Variants in CAB39L observed in about 807,000 individuals in gnomAD.
CAB39L encodes the protein calcium binding protein 39 like.
CAB39L carries 23 observed loss-of-function variants against 39.1 expected under a neutral mutation model. The observed-to-expected ratio is 0.59, with a 90% CI of 0.42 to 0.83. The LOEUF is 0.83. Among genes scored for constraint, CAB39L ranks in the 40% least tolerant of loss-of-function variants. The pLI is 0.00. For missense variants in CAB39L, 366 were observed against 391.9 expected, an observed-to-expected ratio of 0.93 and a Z score of 0.56; for synonymous variants, 126 against 137.2, an observed-to-expected ratio of 0.92 and a Z score of 0.57.
intron 5 of CAB39L, among the ~76,000 whole-genome samples, chr13:49,362,071 A>C (rs1406995438): frequency 6.6e-6 from 1 of 151,886 alleles, no homozygotes; most frequent in Non-Finnish European, 1.5e-5. Flanking sequence ...AAAGAAATTA[A>C]GGATGTATAA....
rs117097137 is a variant in CAB39L at position 49,350,836 on chromosome 13, T to C, written c.472A>G (p.Ile158Val). ...CTGAATTGATTAGAAAAGAGGATGA[T>C]TTTGGCAAGTGGTTCATGTCGAATA... ...ECIRHEPLAK[I>V]ILFSNQFRDF... The change falls in exon 7 of 11, where the codon ATC becomes GTC. Residue 158 changes from isoleucine to valine, a missense_variant. Ile to Val is a conservative substitution (Grantham distance 29, BLOSUM62 3). Transcript: ENST00000409308. 318 of 1,612,584 alleles carry C rather than the reference T, an allele frequency of 2.0e-4. 2 individuals are homozygous for C. The East Asian group carries it at 6.8e-3, about 35-fold the overall frequency.
chr13:49,325,798 AT>A (rs1954480896), intron 10 of CAB39L, among the ~76,000 whole-genome samples: 1 of 152,052 alleles, frequency 6.6e-6, no homozygotes, highest in Non-Finnish European at 1.5e-5. Context: ...TCAAAAATAA[AT>A]ACATAAATAA....
chr13:49,395,398 G>T (rs1036379175), intron 3 of CAB39L, among the ~76,000 whole-genome samples: 10 of 151,842 alleles, frequency 6.6e-5, no homozygotes, highest in African/African-American at 2.2e-4. Context: ...ACCACGTTCG[G>T]CTATTTTTGT....
chr13:49,408,709 TG>T (rs1454273845), intron 3 of CAB39L, among the ~76,000 whole-genome samples: 1 of 152,044 alleles, frequency 6.6e-6, no homozygotes, highest in Non-Finnish European at 1.5e-5. Flanking sequence ...TACACTCTTG[TG>T]GTCCCAGCTA....
At chr13:49,423,383 GT>G (rs1377909809) in intron 3 of CAB39L, among the ~76,000 whole-genome samples, 1 of 152,148 alleles carries the variant, frequency 6.6e-6, no homozygotes, top group African/African-American at 2.4e-5. Context: ...CCTAACTCTA[GT>G]GAAGCAAGCA....
At chr13:49,330,841 A>G (rs1465299792) in intron 10 of CAB39L, among the ~76,000 whole-genome samples, 2 of 152,014 alleles carry the variant, frequency 1.3e-5, no homozygotes, top group Non-Finnish European at 2.9e-5. Context: ...ACATTGTAGC[A>G]TTACTTAGAG....
rs547185770 is a variant in CAB39L at position 49,408,840 on chromosome 13, A to C, written c.-32+24478T>G. 1.6e-3 allele frequency among the ~76,000 whole-genome samples: 238 copies of C among 151,974 alleles called. 1 individual carries two copies. In the South Asian group the frequency reaches 0.018, roughly 12 times the overall value. ...AGTGAGACCCTGTCCCCTCCCCCCC[A>C]AAAAAAGGCAACTAAATAAACAGTG... On this transcript the variant is annotated intron_variant, in intron 3 of 10. Coordinates refer to ENST00000409308, the MANE Select transcript of CAB39L (RefSeq NM_001079670.3).
At chr13:49,386,352 T>G (rs1266827761) in intron 3 of CAB39L, among the ~76,000 whole-genome samples, 2 of 152,172 alleles carry the variant, frequency 1.3e-5, no homozygotes, top group Non-Finnish European at 2.9e-5. Context: ...GTTCATTTAT[T>G]CATTGAATAA....
intron 3 of CAB39L, among the ~76,000 whole-genome samples, chr13:49,386,856 C>T (rs1213254846): frequency 1.3e-5 from 2 of 152,038 alleles, no homozygotes; most frequent in Admixed American, 6.6e-5. Flanking sequence ...CTAAACACCT[C>T]CCCCACTCCA....
chr13:49,390,044 A>G (rs1956454283), intron 3 of CAB39L, among the ~76,000 whole-genome samples: 1 of 151,812 alleles, frequency 6.6e-6, no homozygotes, highest in Admixed American at 6.6e-5. Context: ...CTGGCCTCGA[A>G]CTCCTGGCTA....
intron 2 of CAB39L, 57 bp downstream of exon 2, chr13:49,434,029 T>C (rs1555267424): frequency 2.7e-6 from 1 of 373,242 alleles, no homozygotes; most frequent in African/African-American, 2.1e-5. Context: ...TCTATCTCCA[T>C]CACAAGAGTG....
chr13:49,369,591 T>C (rs1326094024), intron 5 of CAB39L, among the ~76,000 whole-genome samples: 1 of 45,456 alleles, frequency 2.2e-5, no homozygotes, highest in African/African-American at 7.4e-5. Flanking sequence ...GCAAAGGAGA[T>C]TTTTTTTTTT....
chr13:49,381,925 A>T (rs1433441060), intron 4 of CAB39L, among the ~76,000 whole-genome samples: 3 of 152,208 alleles, frequency 2.0e-5, no homozygotes, highest in Admixed American at 1.3e-4. Flanking sequence ...TTCACAGATA[A>T]TAAACTGGTT....
At chr13:49,405,294 G>C (rs1956848500) in intron 3 of CAB39L, among the ~76,000 whole-genome samples, 1 of 151,836 alleles carries the variant, frequency 6.6e-6, no homozygotes, top group South Asian at 2.1e-4. Context: ...AGGTCTGAAA[G>C]AAAAAAACCT....
At chr13:49,313,480 C>CAAA (rs61510865) in intron 10 of CAB39L, among the ~76,000 whole-genome samples, 267 of 104,420 alleles carry the variant, frequency 2.6e-3, no homozygotes, top group African/African-American at 8.1e-3. Flanking sequence ...GACTCCGTCT[C>CAAA]AAAAAAAAAA....
intron 10 of CAB39L, among the ~76,000 whole-genome samples, chr13:49,323,232 G>A (rs9562875): frequency 0.086 from 13,007 of 152,096 alleles, 1,029 homozygotes; most frequent in East Asian, 0.45. Flanking sequence ...ACTTCATCCC[G>A]GTGAAATCTG....
chr13:49,355,897 G>A (rs1218356507), intron 6 of CAB39L, among the ~76,000 whole-genome samples: 1 of 152,088 alleles, frequency 6.6e-6, no homozygotes, highest in East Asian at 1.9e-4. Context: ...GAAAAGAATT[G>A]AGCATTTATT....
intron 3 of CAB39L, among the ~76,000 whole-genome samples, chr13:49,429,284 G>A (rs1417526697): frequency 1.3e-5 from 2 of 152,080 alleles, no homozygotes; most frequent in Non-Finnish European, 2.9e-5. Flanking sequence ...TTAGAGATGA[G>A]GTCTTATTAT....
At chr13:49,426,754 A>G (rs142170337) in intron 3 of CAB39L, among the ~76,000 whole-genome samples, 1 of 152,202 alleles carries the variant, frequency 6.6e-6, no homozygotes, top group Non-Finnish European at 1.5e-5. Flanking sequence ...AAGATTTTCT[A>G]TGAGCTGGGA....
Sources: gnomAD v4.1 joint callset for allele counts (sites outside exome capture counted in the v4.1 genomes callset) on GRCh38, gnomAD v4.1.1 for gene constraint, MANE v1.5 for transcripts, NCBI Gene and HGNC (gene_info 2026-07-23, HGNC 2026-07-21) for gene names.